Variants in BNC2 observed in about 807,000 individuals in gnomAD.
The protein encoded by BNC2 is zinc finger protein basonuclin-2.
In BNC2, 20 loss-of-function variants were observed where a neutral mutation model predicts 76.3. That is an observed-to-expected ratio of 0.26 (90% CI 0.18 to 0.38). The LOEUF is 0.38. Among genes scored for constraint, BNC2 ranks in the 10% least tolerant of loss-of-function variants. The pLI is 1.00. For missense variants in BNC2, 1,382 were observed against 1,399.8 expected (o/e 0.99, Z 0.20); for synonymous variants, 582 against 514.8 (o/e 1.13, Z -1.77).
intron 2 of BNC2, among the ~76,000 whole-genome samples, chr9:16,737,144 C>T (rs1278828383): frequency 6.6e-6 from 1 of 151,020 alleles, no homozygotes; most frequent in Non-Finnish European, 1.5e-5. Context: ...CTTGCTCTAT[C>T]GCCCAGGCTA....
At chr9:16,669,829 G>A (rs1232532096) in intron 3 of BNC2, among the ~76,000 whole-genome samples, 1 of 152,180 alleles carries the variant, frequency 6.6e-6, no homozygotes. Context: ...CCACTTATAA[G>A]AAGCAAAAAC....
chr9:16,694,944 T>C (rs1020665827), intron 3 of BNC2, among the ~76,000 whole-genome samples: 1 of 152,224 alleles, frequency 6.6e-6, no homozygotes, highest in Non-Finnish European at 1.5e-5. Context: ...TGTAGTAGTC[T>C]GTATCAGACA....
intron 1 of BNC2, among the ~76,000 whole-genome samples, chr9:16,852,908 G>C (rs1413003385): frequency 3.3e-5 from 5 of 152,214 alleles, no homozygotes; most frequent in Admixed American, 2.0e-4. Flanking sequence ...GGCTGGATTA[G>C]AGGGAGCAGT....
At chr9:16,600,969 G>T (rs1820228547) in intron 3 of BNC2, among the ~76,000 whole-genome samples, 1 of 152,222 alleles carries the variant, frequency 6.6e-6, no homozygotes, top group Non-Finnish European at 1.5e-5. Context: ...TTTAATTTGG[G>T]ATCACAGAAA....
rs549478873 is a variant in BNC2, at chr9:16,634,199, T to C, written c.331-51114A>G. The stretch of plus-strand genomic sequence containing the variant: ...AAATTCAATGGACTTAGGTATGCTA[T>C]AGAAACAGCATCTTTCTCTTTGCAA... On this transcript the variant is annotated intron_variant, in intron 3 of 6. Coordinates refer to ENST00000380672, the MANE Select transcript of BNC2 (RefSeq NM_017637.6). Among the ~76,000 whole-genome samples, 20 of 152,352 alleles carry C rather than the reference T, an allele frequency of 1.3e-4. No individual in the cohort carries two copies. In the East Asian group the frequency reaches 1.5e-3, roughly 12 times the overall value.
chr9:16,549,846 A>G (rs1294208842), intron 5 of BNC2, among the ~76,000 whole-genome samples: 3 of 152,166 alleles, frequency 2.0e-5, no homozygotes, highest in African/African-American at 4.8e-5. Flanking sequence ...AATAAAATCT[A>G]TATTACATCA....
chr9:16,661,419 G>C (rs1220459656), intron 3 of BNC2, among the ~76,000 whole-genome samples: 3 of 152,096 alleles, frequency 2.0e-5, no homozygotes, highest in South Asian at 2.1e-4. Flanking sequence ...ATAGTATATG[G>C]GGAAGTGATC....
intron 5 of BNC2, among the ~76,000 whole-genome samples, chr9:16,449,796 T>G (rs1821301519): frequency 1.7e-5 from 2 of 120,278 alleles, no homozygotes; most frequent in Middle Eastern, 5.4e-3. Context: ...GAAATGGGGG[T>G]GAATGGGAGG....
At chr9:16,525,057 C>A (rs1227164543) in intron 5 of BNC2, among the ~76,000 whole-genome samples, 2 of 136,702 alleles carry the variant, frequency 1.5e-5, no homozygotes, top group Non-Finnish European at 3.2e-5. Flanking sequence ...GGGTGACAGA[C>A]AGAGACCCGG....
intron 1 of BNC2, among the ~76,000 whole-genome samples, chr9:16,743,039 T>G (rs1824895262): frequency 1.3e-5 from 2 of 152,194 alleles, no homozygotes; most frequent in African/African-American, 4.8e-5. Flanking sequence ...GAGTCCTAGT[T>G]ATTAAATTAC....
In BNC2 at chr9:16,639,388, T is replaced by A. The variant is rs544231167; in HGVS notation, c.331-56303A>T. On this transcript the variant is annotated intron_variant, in intron 3 of 6. Coordinates refer to ENST00000380672, the MANE Select transcript of BNC2 (RefSeq NM_017637.6). ...AAGAAAAGCTCAGTGTCTGGCATGTTTGTTTCTGTAGACATAGGTCTAACA... is the reference window on the plus strand; with the variant it reads ...AAGAAAAGCTCAGTGTCTGGCATGTATGTTTCTGTAGACATAGGTCTAACA... Among the ~76,000 whole-genome samples the A allele has an allele frequency of 2.0e-5, 3 of 152,350 alleles. 1 individual carries two copies. The South Asian group carries it at 6.2e-4, about 32-fold the overall frequency.
intron 3 of BNC2, among the ~76,000 whole-genome samples, chr9:16,696,295 TCTC>T (rs896087417): frequency 1.3e-5 from 2 of 152,160 alleles, no homozygotes; most frequent in Non-Finnish European, 2.9e-5. Context: ...AGCTTTATCT[TCTC>T]CTCCTTCTTC....
intron 3 of BNC2, among the ~76,000 whole-genome samples, chr9:16,607,151 C>T (rs1341935851): frequency 6.6e-6 from 1 of 152,086 alleles, no homozygotes; most frequent in Non-Finnish European, 1.5e-5. Context: ...AACAGAGTCT[C>T]ACCATGTTGC....
intron 1 of BNC2, among the ~76,000 whole-genome samples, chr9:16,861,910 A>C (rs1819419992): frequency 6.6e-6 from 1 of 151,982 alleles, no homozygotes; most frequent in Non-Finnish European, 1.5e-5. Flanking sequence ...AATGGCGTGA[A>C]CCTGGGAGGT....
chr9:16,847,972 C>G (rs560596391), intron 1 of BNC2, among the ~76,000 whole-genome samples: 6 of 152,192 alleles, frequency 3.9e-5, no homozygotes, highest in Admixed American at 3.3e-4. Flanking sequence ...AAGACTGAAA[C>G]AAGAAATATT....
chr9:16,845,127 G>T (rs143107102), intron 1 of BNC2, among the ~76,000 whole-genome samples: 172 of 152,258 alleles, frequency 1.1e-3, no homozygotes, highest in African/African-American at 4.0e-3. Context: ...ACCTTCCCAG[G>T]CACTGCCAGG....
chr9:16,514,236 G>A (rs1201941737), intron 5 of BNC2, among the ~76,000 whole-genome samples: 1 of 152,208 alleles, frequency 6.6e-6, no homozygotes, highest in Non-Finnish European at 1.5e-5. Flanking sequence ...TCCAGACCAT[G>A]CAGCCTGAGA....
At chr9:16,832,316 C>T (rs1426378657) in intron 1 of BNC2, 2 of 1,268,924 alleles carry the variant, frequency 1.6e-6, no homozygotes, top group Non-Finnish European at 2.0e-6. Context: ...GAAAAGAAGC[C>T]ATGAAGCACA....
At chr9:16,869,174 T>A (rs2136244022) in intron 1 of BNC2, among the ~76,000 whole-genome samples, 1 of 152,244 alleles carries the variant, frequency 6.6e-6, no homozygotes, top group Admixed American at 6.5e-5. Context: ...TTGTGATGTC[T>A]CACTTAAACA....
Sources: gnomAD v4.1 joint callset for allele counts (sites outside exome capture counted in the v4.1 genomes callset) on GRCh38, gnomAD v4.1.1 for gene constraint, MANE v1.5 for transcripts, NCBI Gene and HGNC (gene_info 2026-07-23, HGNC 2026-07-21) for gene names.